Variants in ARFGEF1 observed in about 807,000 individuals in gnomAD.
ARFGEF1 encodes brefeldin A-inhibited guanine nucleotide-exchange protein 1.
ARFGEF1 carries 42 observed loss-of-function variants against 231.0 expected under a neutral mutation model. That is an observed-to-expected ratio of 0.18 (90% CI 0.14 to 0.24). The LOEUF is 0.24. Among genes scored for constraint, ARFGEF1 ranks in the 10% least tolerant of loss-of-function variants. ARFGEF1 has a pLI of 1.00. For synonymous variants in ARFGEF1, 710 were observed against 732.3 expected (o/e 0.97, Z 0.49); for missense variants, 1,345 against 2,192.0 (o/e 0.61, Z 7.72).
chr8:67,290,313 C>G (rs1006297878), intron 6 of ARFGEF1, among the ~76,000 whole-genome samples: 1 of 152,096 alleles, frequency 6.6e-6, no homozygotes, highest in Non-Finnish European at 1.5e-5. Context: ...TTTCCTACCC[C>G]TAAGGTACCT....
chr8:67,339,919 AAAAT>A (rs1399536276), intron 1 of ARFGEF1, among the ~76,000 whole-genome samples: 2 of 150,558 alleles, frequency 1.3e-5, no homozygotes, highest in African/African-American at 4.9e-5. Context: ...TCTTTCTGTG[AAAAT>A]AAAAGTTCCT....
chr8:67,253,701 AT>A, intron 17 of ARFGEF1, 79 bp from the exon 18 acceptor site: 1 of 769,518 alleles, frequency 1.3e-6, no homozygotes, highest in Non-Finnish European at 1.8e-6. Flanking sequence ...GAATATTTAC[AT>A]AAGAGATTTT....
intron 7 of ARFGEF1, 93 bp downstream of exon 7, chr8:67,287,862 A>G (rs1587227761): frequency 1.2e-6 from 1 of 866,330 alleles, no homozygotes; most frequent in East Asian, 3.0e-5. Context: ...AAACGTTTTA[A>G]TTTTGCCCTT....
intron 1 of ARFGEF1, among the ~76,000 whole-genome samples, chr8:67,318,677 T>A (rs189531916): frequency 4.3e-4 from 66 of 152,212 alleles, no homozygotes; most frequent in African/African-American, 1.4e-3. Context: ...CCCAAAATTT[T>A]AAAAAAATAC....
In ARFGEF1 at chr8:67,269,460, G is replaced by T. The variant is rs1311177510; in HGVS notation, c.1573-2018C>A. Among the ~76,000 whole-genome samples, 33 of 146,008 alleles carry T rather than the reference G, an allele frequency of 2.3e-4. 1 individual carries two copies. In the Admixed American group the frequency reaches 2.3e-3, roughly 10 times the overall value. On this transcript the variant is annotated intron_variant, in intron 10 of 38. Coordinates refer to ENST00000262215, the MANE Select transcript of ARFGEF1 (RefSeq NM_006421.5). ...CTCGGCCTCCCAGGTTCAAGCGATT[G>T]TCCTGCCTCTGCTCCCAAGTAGCTG... is the stretch of plus-strand genomic sequence containing the variant.
At chr8:67,274,090 A>G (rs528146258) in intron 9 of ARFGEF1, among the ~76,000 whole-genome samples, 12 of 152,306 alleles carry the variant, frequency 7.9e-5, no homozygotes, top group Admixed American at 7.2e-4. Flanking sequence ...GTACAAGGCA[A>G]TAATGAATGA....
chr8:67,256,331 T>G (rs1840452646), intron 17 of ARFGEF1, among the ~76,000 whole-genome samples: 1 of 152,230 alleles, frequency 6.6e-6, no homozygotes, highest in South Asian at 2.1e-4. Context: ...AGTAAATTTG[T>G]GGTAAATGCA....
At chr8:67,193,769 T>C (rs1450138513), downstream of ARFGEF1, among the ~76,000 whole-genome samples, 1 of 152,252 alleles carries the variant, frequency 6.6e-6, no homozygotes, top group African/African-American at 2.4e-5. Context: ...GACCTCAGGA[T>C]GCAGTTTGCA....
In ARFGEF1 at chr8:67,216,621, G is replaced by C. The variant is rs142098461; in HGVS notation, c.4655C>G (p.Pro1552Arg). The C allele has an allele frequency of 3.7e-6, 6 of 1,605,104 alleles. No individual in the cohort carries two copies. Among genetic ancestry groups the C allele is most frequent in the South Asian group, 1.1e-5 (1 of 89,526 alleles). Residue 1552 changes from proline to arginine, a missense_variant, in exon 33 of 39, where the codon CCA becomes CGA. Physicochemically the swap from Pro to Arg is moderately radical, Grantham distance 103. Coordinates refer to ENST00000262215, the MANE Select transcript of ARFGEF1 (RefSeq NM_006421.5). ...WRPNSGETAP[P>R]PPSPVSEKPL... ...CTTTTCACTTACAGGAGATGGAGGT[G>C]GGGGGGCAGTTTCTCCAGAATTGGG...
intron 29 of ARFGEF1, among the ~76,000 whole-genome samples, chr8:67,222,237 ATG>A (rs1491290532): frequency 4.8e-4 from 64 of 133,416 alleles, no homozygotes; most frequent in African/African-American, 1.7e-3. Context: ...ATATGTATGT[ATG>A]TATGTATGTA....
chr8:67,322,985 G>A (rs1274588936), intron 1 of ARFGEF1, among the ~76,000 whole-genome samples: 4 of 152,128 alleles, frequency 2.6e-5, no homozygotes, highest in South Asian at 2.1e-4. Context: ...TGCCAGGCAC[G>A]GTGGCTCACG....
At chr8:67,176,099 C>T (rs1831558484) in intron 5 of ARFGEF1, among the ~76,000 whole-genome samples, 1 of 149,228 alleles carries the variant, frequency 6.7e-6, no homozygotes, top group Non-Finnish European at 1.5e-5. Flanking sequence ...GGTGGGTGGG[C>T]ACCTAGAAGC....
At position 67,315,079 on chromosome 8, in the gene ARFGEF1, C is replaced by T. The variant is rs111297707; in HGVS notation, c.125-12613G>A. ...TATGATATAGTAGGATGAAAGTAAACAGATGGAAAAAGATATCAAAAGAAA... is the reference window on the plus strand; with the variant it reads ...TATGATATAGTAGGATGAAAGTAAATAGATGGAAAAAGATATCAAAAGAAA... On this transcript the variant is annotated intron_variant, in intron 1 of 38. Transcript: ENST00000262215. 2.0e-3 allele frequency among the ~76,000 whole-genome samples: 301 copies of T among 152,086 alleles called. 4 individuals carry two copies. Among genetic ancestry groups the T allele is most frequent in the African/African-American group, 6.9e-3 (286 of 41,460 alleles).
chr8:67,332,552 G>C (rs751963534), intron 1 of ARFGEF1, among the ~76,000 whole-genome samples: 1 of 152,168 alleles, frequency 6.6e-6, no homozygotes, highest in Non-Finnish European at 1.5e-5. Flanking sequence ...GACAGATTTG[G>C]GGATCCCATG....
chr8:67,199,796 C>G (rs1265989537), intron 38 of ARFGEF1: 1 of 164,794 alleles, frequency 6.1e-6, no homozygotes, highest in East Asian at 1.6e-4. Flanking sequence ...GCAAAGCAGC[C>G]TGTATGTGTG....
chr8:67,277,892 C>G (rs902438352), intron 7 of ARFGEF1, among the ~76,000 whole-genome samples: 1 of 152,098 alleles, frequency 6.6e-6, no homozygotes, highest in African/African-American at 2.4e-5. Context: ...CAAAACTCTC[C>G]AAGGATATAC....
At chr8:67,185,121 AAAC>A (rs1563782576) in intron 5 of ARFGEF1, among the ~76,000 whole-genome samples, 29 of 141,424 alleles carry the variant, frequency 2.1e-4, no homozygotes, top group African/African-American at 9.0e-4. Flanking sequence ...AAAAAAACAA[AAAC>A]AAACAAACAA....
At chr8:67,313,338 T>C (rs760099675) in intron 1 of ARFGEF1, among the ~76,000 whole-genome samples, 6 of 152,226 alleles carry the variant, frequency 3.9e-5, no homozygotes, top group Non-Finnish European at 8.8e-5. Flanking sequence ...AGTGTGATTT[T>C]TGCGGGATGC....
chr8:67,269,073 A>T lies in ARFGEF1; in HGVS notation c.1573-1631T>A, dbSNP rs183396878. On this transcript the variant is annotated intron_variant, in intron 10 of 38. Transcript: ENST00000262215. ...TTATGCCTATCATAATAGGGGCTCT[A>T]AAAAAATCAACCTTTTAATAATTTA... is the stretch of plus-strand genomic sequence containing the variant. 1.2e-3 allele frequency among the ~76,000 whole-genome samples: 189 copies of T among 152,272 alleles called. 1 individual carries two copies. The highest frequency in any genetic ancestry group is 4.4e-3 in the African/African-American group (184 of 41,570).
Sources: allele counts gnomAD v4.1 joint callset (sites outside exome capture counted in the v4.1 genomes callset), GRCh38; gene constraint gnomAD v4.1.1; transcripts MANE v1.5; gene names NCBI Gene and HGNC (gene_info 2026-07-23, HGNC 2026-07-21).